The following TRPC4 variants were observed in gnomAD, a reference collection of about 807,000 sequenced individuals.
TRPC4 encodes the protein transient receptor potential cation channel subfamily C member 4.
TRPC4 carries 49 observed loss-of-function variants against 99.4 expected under a neutral mutation model. That is an observed-to-expected ratio of 0.49 (90% confidence interval 0.39 to 0.63). The LOEUF (loss-of-function observed/expected upper bound fraction) is 0.63. Ranked by LOEUF, TRPC4 falls within the 20% of genes least tolerant of loss-of-function variation. TRPC4 has a pLI of 0.00. For missense variants in TRPC4, 898 were observed against 1,152.9 expected, an observed-to-expected ratio of 0.78 and a Z score of 3.20; for synonymous variants, 454 against 425.9, an observed-to-expected ratio of 1.07 and a Z score of -0.81.
At chr13:37,770,536 C>T (rs1259881598) in intron 2 of TRPC4, among the ~76,000 whole-genome samples, 1 of 151,488 alleles carries the variant, frequency 6.6e-6, no homozygotes. Context: ...CCAAGCCAAG[C>T]ATTAAATTTA....
intron 1 of TRPC4, among the ~76,000 whole-genome samples, chr13:37,785,880 T>C (rs1371985195): frequency 1.3e-5 from 2 of 152,118 alleles, no homozygotes; most frequent in Non-Finnish European, 2.9e-5. Flanking sequence ...AGCTTACTAA[T>C]ATCTATTTCA....
intron 4 of TRPC4, among the ~76,000 whole-genome samples, chr13:37,678,713 G>T (rs1953139338): frequency 6.6e-6 from 1 of 152,000 alleles, no homozygotes; most frequent in Non-Finnish European, 1.5e-5. Flanking sequence ...TCACACTCTT[G>T]CAAAGATAAC....
At chr13:37,842,351 AAAAAAAAAAAAAAAAAAAAGG>A (rs1028317062) in intron 1 of TRPC4, among the ~76,000 whole-genome samples, 4 of 141,530 alleles carry the variant, frequency 2.8e-5, no homozygotes, top group African/African-American at 1.1e-4. Context: ...GCCAAAAAAA[AAAAAAAAAAAAAAAAAAAAGG>A]AAAAGGAAAA....
At chr13:37,734,325 G>A (rs1428848104) in intron 3 of TRPC4, among the ~76,000 whole-genome samples, 2 of 152,122 alleles carry the variant, frequency 1.3e-5, no homozygotes, top group African/African-American at 4.8e-5. Context: ...CAAAATTCCA[G>A]GTTTTAGGAA....
At chr13:37,750,845 G>A (rs1284674261) in intron 2 of TRPC4, among the ~76,000 whole-genome samples, 2 of 151,594 alleles carry the variant, frequency 1.3e-5, no homozygotes, top group Non-Finnish European at 2.9e-5. Flanking sequence ...ACCCCTCCCT[G>A]TGTCCACGTG....
intron 6 of TRPC4, among the ~76,000 whole-genome samples, chr13:37,656,004 C>A (rs1952221136): frequency 6.6e-6 from 1 of 152,064 alleles, no homozygotes; most frequent in Non-Finnish European, 1.5e-5. Context: ...CATAATGCAT[C>A]TTGTAAGATG....
chr13:37,799,456 C>T (rs982031848), intron 1 of TRPC4, among the ~76,000 whole-genome samples: 1 of 152,124 alleles, frequency 6.6e-6, no homozygotes, highest in Non-Finnish European at 1.5e-5. Flanking sequence ...TTAAGGAACA[C>T]AAGACTTGTA....
chr13:37,671,451 G>A (rs533733217), intron 5 of TRPC4, among the ~76,000 whole-genome samples: 1 of 152,028 alleles, frequency 6.6e-6, no homozygotes, highest in Admixed American at 6.6e-5. Context: ...GTGAAGGCAA[G>A]TGTGGACCTA....
chr13:37,781,323 G>A (rs1028419742), intron 2 of TRPC4, among the ~76,000 whole-genome samples: 13 of 152,050 alleles, frequency 8.5e-5, no homozygotes, highest in Non-Finnish European at 1.8e-4. Context: ...TCTTATGGTT[G>A]CCTATATAGA....
chr13:37,783,172 T>C lies in TRPC4; in HGVS notation c.162A>G (p.Glu54=), dbSNP rs141017893. ...DYASVKKSLE[E]AEIYFKININ... ...TATTGATTTTAAAATAAATTTCAGCTTCCTCTAGGGATTTCTTGACACTGG... is the reference window on the plus strand; with the variant it reads ...TATTGATTTTAAAATAAATTTCAGCCTCCTCTAGGGATTTCTTGACACTGG... The change falls in exon 2 of 11, where the codon GAA becomes GAG. Residue 54 remains glutamate (E), a synonymous_variant. Transcript: ENST00000379705. 21 of 1,613,534 alleles carry C rather than the reference T, an allele frequency of 1.3e-5. No homozygotes were observed. The highest frequency in any genetic ancestry group is 2.7e-5 in the African/African-American group (2 of 74,908).
At chr13:37,639,442 G>T in intron 8 of TRPC4, 143 bp from the exon 9 acceptor site, 1 of 745,814 alleles carries the variant, frequency 1.3e-6, no homozygotes, top group Non-Finnish European at 2.1e-6. Context: ...TGGCTAAAGA[G>T]TGCTGCACAT....
At chr13:37,690,481 A>T (rs1953647281) in intron 4 of TRPC4, among the ~76,000 whole-genome samples, 1 of 151,972 alleles carries the variant, frequency 6.6e-6, no homozygotes, top group Non-Finnish European at 1.5e-5. Context: ...TGCCCAGCTA[A>T]TTTTCACATT....
chr13:37,830,912 A>G (rs551957832), intron 1 of TRPC4, among the ~76,000 whole-genome samples: 26 of 151,154 alleles, frequency 1.7e-4, no homozygotes, highest in African/African-American at 4.4e-4. Context: ...ATATCATATG[A>G]AGGCAGACTG....
intron 2 of TRPC4, among the ~76,000 whole-genome samples, chr13:37,779,589 T>A (rs368327620): frequency 6.6e-6 from 1 of 152,100 alleles, no homozygotes; most frequent in Admixed American, 6.6e-5. Context: ...AAATCACAAA[T>A]CTGTAAAACA....
Position 37,817,485 on chromosome 13 carries a change from T to C in TRPC4, c.-27-34125A>G, listed in dbSNP as rs528099008. Among the ~76,000 whole-genome samples, 3 of 152,090 alleles carry C rather than the reference T, an allele frequency of 2.0e-5. No homozygotes were observed. In the South Asian group the frequency reaches 6.2e-4, roughly 31 times the overall value. ...TATAGATTCAATGCTATTCCTATTA[T>C]ACTACCATTGAGATTCTTCAGGGTA... On this transcript the variant is annotated intron_variant, in intron 1 of 10. Coordinates refer to ENST00000379705, the MANE Select transcript of TRPC4 (RefSeq NM_016179.4).
chr13:37,641,016 G>C (rs760515090), intron 8 of TRPC4, among the ~76,000 whole-genome samples: 28 of 152,050 alleles, frequency 1.8e-4, no homozygotes, highest in Non-Finnish European at 5.9e-5. Flanking sequence ...TTAGAAGTCA[G>C]GATTTAACTT....
intron 10 of TRPC4, among the ~76,000 whole-genome samples, chr13:37,638,078 T>A (rs1951589345): frequency 6.6e-6 from 1 of 152,142 alleles, no homozygotes; most frequent in Non-Finnish European, 1.5e-5. Flanking sequence ...CTTGCAGTTG[T>A]TTACTGTCTT....
chr13:37,792,084 A>G (rs994006599), intron 1 of TRPC4, among the ~76,000 whole-genome samples: 1 of 152,162 alleles, frequency 6.6e-6, no homozygotes, highest in African/African-American at 2.4e-5. Context: ...GATCACTCTC[A>G]CTGCTGATTA....
chr13:37,773,940 A>G (rs541881995), intron 2 of TRPC4, among the ~76,000 whole-genome samples: 4 of 151,972 alleles, frequency 2.6e-5, no homozygotes, highest in East Asian at 3.9e-4. Flanking sequence ...CATAACATAT[A>G]AAGTCCAAAT....
Sources: gnomAD v4.1 joint callset for allele counts (sites outside exome capture counted in the v4.1 genomes callset) on GRCh38, gnomAD v4.1.1 for gene constraint, MANE v1.5 for transcripts, NCBI Gene and HGNC (gene_info 2026-07-23, HGNC 2026-07-21) for gene names.